Variants in CA10 observed in about 807,000 individuals in gnomAD.
The protein encoded by CA10 is carbonic anhydrase-related protein 10.
CA10 carries 14 observed loss-of-function variants against 44.2 expected under a neutral mutation model. The observed-to-expected ratio is 0.32, with a 90% confidence interval of 0.21 to 0.50. CA10 has a LOEUF of 0.50. CA10 is among the 20% of genes least tolerant of loss of function. The pLI, the probability that CA10 is intolerant of heterozygous loss-of-function variation, is 0.99. For missense variants in CA10, 350 were observed against 409.7 expected, an observed-to-expected ratio of 0.85 and a Z score of 1.26; for synonymous variants, 159 against 141.6, an observed-to-expected ratio of 1.12 and a Z score of -0.87.
chr17:51,874,475 G>A lies in CA10; in HGVS notation c.279+56515C>T, dbSNP rs78041641. 4.5e-3 allele frequency among the ~76,000 whole-genome samples: 686 copies of A among 151,652 alleles called. 6 individuals are homozygous for A. The highest frequency in any genetic ancestry group is 0.016 in the African/African-American group (668 of 41,352). The stretch of plus-strand genomic sequence containing the variant: ...AAGTCATTTTCAAATTTGTTTCCCA[G>A]GCAATAGTAATTGTTTCAGTAATTA... On this transcript the variant is annotated intron_variant, in intron 3 of 8. Transcript: ENST00000451037.
chr17:51,795,347 A>G (rs896617381), intron 3 of CA10, among the ~76,000 whole-genome samples: 1 of 152,196 alleles, frequency 6.6e-6, no homozygotes, highest in Non-Finnish European at 1.5e-5. Context: ...TCTAAACACA[A>G]TTCTGTTCTC....
At chr17:51,980,088 T>G (rs1205046693) in intron 2 of CA10, among the ~76,000 whole-genome samples, 1 of 152,192 alleles carries the variant, frequency 6.6e-6, no homozygotes, top group Non-Finnish European at 1.5e-5. Flanking sequence ...TGCTTTTAGC[T>G]CTTTGAGGAA....
At chr17:51,934,335 T>C (rs1317626501) in intron 2 of CA10, among the ~76,000 whole-genome samples, 1 of 147,850 alleles carries the variant, frequency 6.8e-6, no homozygotes. Context: ...TTACTCAAGA[T>C]TTCCAGTGCT....
intron 3 of CA10, among the ~76,000 whole-genome samples, chr17:51,846,544 G>T (rs1045370622): frequency 6.6e-6 from 1 of 152,244 alleles, no homozygotes; most frequent in African/African-American, 2.4e-5. Flanking sequence ...TTTCACAAGT[G>T]AAGACACTGA....
At chr17:51,839,367 C>A (rs1978300320) in intron 3 of CA10, among the ~76,000 whole-genome samples, 1 of 151,792 alleles carries the variant, frequency 6.6e-6, no homozygotes, top group Non-Finnish European at 1.5e-5. Context: ...GTGGCATGAG[C>A]CTGTAGTCCC....
intron 4 of CA10, among the ~76,000 whole-genome samples, chr17:51,714,421 G>C (rs79949001): frequency 1.3e-5 from 2 of 152,086 alleles, no homozygotes; most frequent in African/African-American, 4.8e-5. Context: ...ATTTAAGGCA[G>C]TGTATAAAAA....
intron 2 of CA10, among the ~76,000 whole-genome samples, chr17:52,020,766 C>T (rs1986113274): frequency 6.6e-6 from 1 of 151,850 alleles, no homozygotes; most frequent in Admixed American, 6.6e-5. Flanking sequence ...AGGTAGTAAA[C>T]ATAGTACCCA....
chr17:52,110,746 C>T (rs892138704), intron 1 of CA10, among the ~76,000 whole-genome samples: 2 of 152,168 alleles, frequency 1.3e-5, no homozygotes, highest in African/African-American at 4.8e-5. Flanking sequence ...ATCCTCCCCC[C>T]ATTCAAACCC....
At chr17:52,002,999 G>A (rs149702459) in intron 2 of CA10, among the ~76,000 whole-genome samples, 273 of 152,016 alleles carry the variant, frequency 1.8e-3, no homozygotes, top group African/African-American at 6.2e-3. Context: ...CCTACCTTCA[G>A]AAATAAGGAG....
At chr17:51,644,326 C>A (rs753900649) in intron 6 of CA10, among the ~76,000 whole-genome samples, 2 of 152,132 alleles carry the variant, frequency 1.3e-5, no homozygotes, top group Non-Finnish European at 2.9e-5. Context: ...GATGAGGCAG[C>A]CACACGGGAG....
chr17:51,998,598 C>T (rs1267839436), intron 2 of CA10, among the ~76,000 whole-genome samples: 1 of 151,966 alleles, frequency 6.6e-6, no homozygotes, highest in African/African-American at 2.4e-5. Context: ...ACTGTGGGCT[C>T]CCCTGGCCCA....
intron 4 of CA10, among the ~76,000 whole-genome samples, chr17:51,691,405 AT>A (rs1238470886): frequency 6.6e-6 from 1 of 152,146 alleles, no homozygotes; most frequent in Non-Finnish European, 1.5e-5. Flanking sequence ...TCCTTTGCCC[AT>A]TTTTAAATCA....
At chr17:51,822,498 T>C (rs1297396375) in intron 3 of CA10, among the ~76,000 whole-genome samples, 1 of 152,200 alleles carries the variant, frequency 6.6e-6, no homozygotes, top group African/African-American at 2.4e-5. Context: ...TCACTCATTA[T>C]TACTACCTGC....
intron 1 of CA10, among the ~76,000 whole-genome samples, chr17:52,131,519 C>T (rs951292264): frequency 6.6e-6 from 1 of 152,150 alleles, no homozygotes; most frequent in Non-Finnish European, 1.5e-5. Flanking sequence ...TTCCATGTGA[C>T]TAACATTATA....
intron 1 of CA10, among the ~76,000 whole-genome samples, chr17:52,082,838 C>T (rs1031530524): frequency 7.2e-5 from 11 of 152,124 alleles, no homozygotes; most frequent in Admixed American, 6.5e-4. Context: ...GTCATCAGCT[C>T]ATGAGATGGA....
intron 2 of CA10, among the ~76,000 whole-genome samples, chr17:51,988,742 T>A (rs939046238): frequency 2.2e-4 from 33 of 152,004 alleles, no homozygotes; most frequent in African/African-American, 6.3e-4. Context: ...TTGGTAAAAA[T>A]GTCCTAGGGC....
intron 4 of CA10, among the ~76,000 whole-genome samples, chr17:51,714,571 C>T (rs755147380): frequency 2.6e-5 from 4 of 152,162 alleles, no homozygotes; most frequent in Non-Finnish European, 4.4e-5. Flanking sequence ...AGGCCACATT[C>T]AGGTGGGTGG....
intron 2 of CA10, among the ~76,000 whole-genome samples, chr17:52,027,283 AG>A (rs898044984): frequency 7.0e-4 from 106 of 152,118 alleles, no homozygotes; most frequent in African/African-American, 2.5e-3. Flanking sequence ...ATGCAGATGA[AG>A]CTTCCCTCAC....
At chr17:51,923,654 G>A (rs1041956261) in intron 3 of CA10, among the ~76,000 whole-genome samples, 1 of 152,014 alleles carries the variant, frequency 6.6e-6, no homozygotes, top group Non-Finnish European at 1.5e-5. Context: ...CAGGTTCAGA[G>A]GAAAATTTTA....
Sources: gnomAD v4.1 joint callset for allele counts (sites outside exome capture counted in the v4.1 genomes callset) on GRCh38, gnomAD v4.1.1 for gene constraint, MANE v1.5 for transcripts, NCBI Gene and HGNC (gene_info 2026-07-23, HGNC 2026-07-21) for gene names.